The following PBRM1 variants were observed in gnomAD, a reference collection of about 807,000 sequenced individuals.
PBRM1 encodes the protein polybromo 1.
A neutral mutation model predicts 194.5 loss-of-function variants in PBRM1; 27 were observed. That is an observed-to-expected ratio of 0.14 (90% CI 0.10 to 0.19). The LOEUF is 0.19. Among genes scored for constraint, PBRM1 ranks in the 10% least tolerant of loss-of-function variants. PBRM1 has a pLI of 1.00. For synonymous variants in PBRM1, 655 were observed against 693.2 expected (o/e 0.94, Z 0.87); for missense variants, 1,466 against 2,077.2 (o/e 0.71, Z 5.72).
At chr3:52,660,664 C>T (rs890522180) in intron 4 of PBRM1, among the ~76,000 whole-genome samples, 8 of 151,974 alleles carry the variant, frequency 5.3e-5, no homozygotes, top group African/African-American at 1.9e-4. Flanking sequence ...AGGTGCCCAC[C>T]ACCATGCCCA....
At chr3:52,656,108 A>T (rs1211274462) in intron 5 of PBRM1, among the ~76,000 whole-genome samples, 3 of 152,196 alleles carry the variant, frequency 2.0e-5, no homozygotes, top group Non-Finnish European at 2.9e-5. Context: ...AGGCCATGAA[A>T]ATGTTTGCAG....
intron 17 of PBRM1, among the ~76,000 whole-genome samples, chr3:52,600,935 C>G (rs1327259409): frequency 6.6e-6 from 1 of 152,198 alleles, no homozygotes; most frequent in South Asian, 2.1e-4. Flanking sequence ...CCGTGCCCAG[C>G]CGCTAAATTA....
At chr3:52,651,699 T>A in intron 6 of PBRM1, 43 bp downstream of exon 7, 1 of 1,177,132 alleles carries the variant, frequency 8.5e-7, no homozygotes, top group South Asian at 1.4e-5. Flanking sequence ...CATAGGCCAA[T>A]CTGCTCTAAA....
At chr3:52,652,003 G>A (rs947548743) in intron 5 of PBRM1, among the ~76,000 whole-genome samples, 193 bp from the exon 7 acceptor site, 1 of 152,208 alleles carries the variant, frequency 6.6e-6, no homozygotes, top group African/African-American at 2.4e-5. Flanking sequence ...GAAGCTTCAT[G>A]ATCTATCCAA....
chr3:52,584,673 C>T (rs1192056923), intron 20 of PBRM1, among the ~76,000 whole-genome samples: 1 of 151,928 alleles, frequency 6.6e-6, no homozygotes, highest in African/African-American at 2.4e-5. Context: ...CCAGGCTAGT[C>T]TCAAAATCCT....
At chr3:52,608,343 A>T (rs1560314355) in intron 16 of PBRM1, among the ~76,000 whole-genome samples, 1 of 152,228 alleles carries the variant, frequency 6.6e-6, no homozygotes, top group Non-Finnish European at 1.5e-5. Context: ...ATGCAAACTG[A>T]AAAGATTATC....
At chr3:52,618,666 C>T (rs2095106952) in intron 13 of PBRM1, among the ~76,000 whole-genome samples, 1 of 149,530 alleles carries the variant, frequency 6.7e-6, no homozygotes. Flanking sequence ...ACGATCTCAG[C>T]TCACCGCAAC....
At chr3:52,632,371 G>C (rs1304359194) in intron 11 of PBRM1, among the ~76,000 whole-genome samples, 2 of 152,132 alleles carry the variant, frequency 1.3e-5, no homozygotes, top group African/African-American at 4.8e-5. Flanking sequence ...ATTATTTAAG[G>C]CCAGAAATTC....
chr3:52,546,534 A>T, downstream of PBRM1: 1 of 230,264 alleles, frequency 4.3e-6, no homozygotes, highest in Non-Finnish European at 8.6e-6. Flanking sequence ...TCATGATTTA[A>T]TAAGTACAGT....
chr3:52,577,383 A>T (rs1278215549), intron 21 of PBRM1, among the ~76,000 whole-genome samples: 2 of 146,446 alleles, frequency 1.4e-5, no homozygotes, highest in Non-Finnish European at 3.0e-5. Context: ...GTGAGCCAAG[A>T]TCATGCCACT....
rs773095872 is a variant in PBRM1 at position 52,678,603 on chromosome 3, C to T, written c.139-6G>A. 1.9e-6 allele frequency: 3 copies of T among 1,581,474 alleles called. No homozygotes were observed. Among genetic ancestry groups the T allele is most frequent in the Non-Finnish European group, 1.7e-6 (2 of 1,151,392 alleles). ...AGTTCATGGCACACGGCAATCTACA[C>T]ATTAGCAAAGGAGAAAAAAATCACT... is the stretch of plus-strand genomic sequence containing the variant. On this transcript the variant is annotated splice_polypyrimidine_tract_variant and splice_region_variant and intron_variant, in intron 1 of 29. Coordinates refer to ENST00000296302, the Ensembl canonical transcript of PBRM1.
At chr3:52,659,999 A>G (rs1173237571) in intron 4 of PBRM1, among the ~76,000 whole-genome samples, 2 of 152,194 alleles carry the variant, frequency 1.3e-5, no homozygotes, top group Non-Finnish European at 2.9e-5. Flanking sequence ...GCTGAGGCAG[A>G]AGAATCGTTT....
At chr3:52,598,383 T>A (rs2093725495) in intron 17 of PBRM1, among the ~76,000 whole-genome samples, 1 of 152,188 alleles carries the variant, frequency 6.6e-6, no homozygotes, top group East Asian at 1.9e-4. Flanking sequence ...CAACCTCTAT[T>A]CCACTTTCTG....
At chr3:52,593,487 T>C (rs951162121) in intron 17 of PBRM1, among the ~76,000 whole-genome samples, 3 of 152,210 alleles carry the variant, frequency 2.0e-5, no homozygotes, top group African/African-American at 7.2e-5. Flanking sequence ...TCCACTCTCC[T>C]TGGCCTCCCA....
At chr3:52,629,106 A>C in intron 11 of PBRM1, 71 bp from the exon 13 acceptor site, 1 of 1,246,436 alleles carries the variant, frequency 8.0e-7, no homozygotes, top group South Asian at 1.3e-5. Context: ...TGAAAGTCCA[A>C]TGCAAAATCT....
intron 13 of PBRM1, among the ~76,000 whole-genome samples, chr3:52,619,502 AT>A (rs954304913): frequency 3.9e-5 from 6 of 152,072 alleles, no homozygotes; most frequent in East Asian, 1.9e-4. Flanking sequence ...CAATTAAAAA[AT>A]TTTTTTTTCT....
Position 52,561,779 on chromosome 3 carries a change from CT to C in PBRM1, c.4275del (p.Ala1426GlnfsTer55). ...AGGCTCTATTTACCTTCATATTCTGCTTTCTTGGCTGTCTCAAGATTTCTCC... is the reference window on the plus strand; with the variant it reads ...AGGCTCTATTTACCTTCATATTCTGCTTCTTGGCTGTCTCAAGATTTCTCC... On this transcript the variant is annotated frameshift_variant, in exon 25 of 30. Transcript: ENST00000296302. LOFTEE classifies it high-confidence loss of function. 1 of 1,613,980 alleles carries C rather than the reference CT, an allele frequency of 6.2e-7. No individual in the cohort carries two copies. Among genetic ancestry groups the C allele is most frequent in the Non-Finnish European group, 8.5e-7 (1 of 1,179,974 alleles).
intron 5 of PBRM1, among the ~76,000 whole-genome samples, chr3:52,656,770 T>G (rs540787792): frequency 2.5e-4 from 37 of 150,930 alleles, no homozygotes; most frequent in Admixed American, 2.6e-4. Context: ...GATGAATGAG[T>G]AAACAAAATG....
Position 52,646,685 on chromosome 3 carries a change from G to C in PBRM1, c.813+1659C>G, listed in dbSNP as rs79326546. Among the ~76,000 whole-genome samples the C allele has an allele frequency of 4.0e-3, 612 of 152,174 alleles. 2 individuals are homozygous for C. Among genetic ancestry groups the C allele is most frequent in the African/African-American group, 0.014 (569 of 41,496 alleles). ...AATAATCTTTTCTATATATAGTGCT[G>C]GGATAATATCTCATATCAAAGAATG... On this transcript the variant is annotated intron_variant, in intron 7 of 29. Transcript: ENST00000296302.
Sources: allele counts gnomAD v4.1 joint callset (sites outside exome capture counted in the v4.1 genomes callset), GRCh38; gene constraint gnomAD v4.1.1; transcripts MANE v1.5; gene names NCBI Gene and HGNC (gene_info 2026-07-23, HGNC 2026-07-21).